Variants in FGF12 observed in about 807,000 individuals in gnomAD.
FGF12 encodes the protein fibroblast growth factor 12B.
Under a neutral mutation model 23.6 loss-of-function variants are expected in FGF12, and 14 were observed. The observed-to-expected ratio is 0.59, with a 90% CI of 0.39 to 0.93. The LOEUF is 0.93. Among genes scored for constraint, FGF12 ranks in the 40% least tolerant of loss-of-function variants. The probability of loss-of-function intolerance (pLI) is 0.00; values close to 1 mark genes in which losing one functional copy is unlikely to be tolerated. For missense variants in FGF12, 175 were observed against 217.8 expected (o/e 0.80, Z 1.24); for synonymous variants, 62 against 77.3 (o/e 0.80, Z 1.04).
In FGF12 at chr3:192,191,205, G is replaced by T. The variant is rs1472882497; in HGVS notation, c.229-20549C>A. 3.9e-5 allele frequency among the ~76,000 whole-genome samples: 6 copies of T among 152,122 alleles called. No homozygotes were observed. In the East Asian group the frequency reaches 5.8e-4, roughly 15 times the overall value. On this transcript the variant is annotated intron_variant, in intron 4 of 5. Coordinates refer to ENST00000445105, the MANE Select transcript of FGF12 (RefSeq NM_004113.6). ...TGAGGACAATAGAAAGATCAGTGGT[G>T]GCCAGGGATCCCAGGGGAAAAGTCA... is the stretch of plus-strand genomic sequence containing the variant.
In FGF12 at chr3:192,408,243, C is replaced by A; in HGVS notation, c.14-47705G>T. On this transcript the variant is annotated intron_variant, in intron 2 of 5. Coordinates refer to ENST00000445105, the MANE Select transcript of FGF12 (RefSeq NM_004113.6). This position sits in a 1 kb window ranked among gnomAD's most constrained non-coding sequence, Gnocchi z 7.3. ...AGCCATAGCTGCTCAGCGAGGGCCT[C>A]AGGCCCCAGCCTCTACTGCGCCCTC... The A allele has an allele frequency of 1.3e-6, 2 of 1,578,572 alleles. No homozygotes were observed. The highest frequency in any genetic ancestry group is 2.3e-5 in the East Asian group (1 of 44,166).
chr3:192,149,541 AC>A (rs1299386142), intron 5 of FGF12, among the ~76,000 whole-genome samples: 2 of 100,932 alleles, frequency 2.0e-5, no homozygotes, highest in Non-Finnish European at 4.1e-5. Flanking sequence ...TTCAATTCCC[AC>A]CTATGAGTGA....
chr3:192,585,079 G>A (rs1335620483), intron 2 of FGF12, among the ~76,000 whole-genome samples: 1 of 152,146 alleles, frequency 6.6e-6, no homozygotes, highest in Non-Finnish European at 1.5e-5. Context: ...AACATCAAGT[G>A]AGAAAAAGTT....
intron 2 of FGF12, among the ~76,000 whole-genome samples, chr3:192,588,748 T>C (rs1560161068): frequency 6.6e-6 from 1 of 151,914 alleles, no homozygotes; most frequent in Non-Finnish European, 1.5e-5. Flanking sequence ...TGGGAGACAG[T>C]ATTTATACCC....
chr3:192,576,828 T>C (rs1712915680), intron 2 of FGF12, among the ~76,000 whole-genome samples: 1 of 152,084 alleles, frequency 6.6e-6, no homozygotes, highest in Non-Finnish European at 1.5e-5. Context: ...AGTGATAGAC[T>C]GGACAAAGAA....
chr3:192,229,167 T>TA (rs948044556), intron 4 of FGF12, among the ~76,000 whole-genome samples: 33 of 148,468 alleles, frequency 2.2e-4, no homozygotes, highest in Admixed American at 8.7e-4. Context: ...AATAAAATTT[T>TA]AAAAAAAAAA....
chr3:192,155,930 C>T (rs1248957568), intron 5 of FGF12, among the ~76,000 whole-genome samples: 1 of 152,136 alleles, frequency 6.6e-6, no homozygotes, highest in Non-Finnish European at 1.5e-5. Flanking sequence ...GATTCCTAGT[C>T]CCTTGATTTG....
chr3:192,224,576 G>C (rs1357898358), intron 4 of FGF12, among the ~76,000 whole-genome samples: 1 of 151,314 alleles, frequency 6.6e-6, no homozygotes, highest in African/African-American at 2.4e-5. Flanking sequence ...TTTTAATTTG[G>C]GCTTTTCTTC....
At chr3:192,720,622 A>T (rs1332972811) in intron 2 of FGF12, among the ~76,000 whole-genome samples, 2 of 152,178 alleles carry the variant, frequency 1.3e-5, no homozygotes, top group East Asian at 3.8e-4. Flanking sequence ...TCTATTTTGC[A>T]TATCTATTTT....
At chr3:192,351,719 C>G (rs1351122457) in intron 3 of FGF12, among the ~76,000 whole-genome samples, 2 of 152,164 alleles carry the variant, frequency 1.3e-5, no homozygotes, top group African/African-American at 4.8e-5. Flanking sequence ...AGGGAAAACA[C>G]AAAAGCAGAT....
chr3:192,665,797 A>T (rs1426898855), intron 2 of FGF12, among the ~76,000 whole-genome samples: 1 of 149,506 alleles, frequency 6.7e-6, no homozygotes, highest in Non-Finnish European at 1.5e-5. Flanking sequence ...TTAAAAAAAG[A>T]ATATGCCTTA....
chr3:192,332,002 G>A (rs548058123), intron 4 of FGF12, among the ~76,000 whole-genome samples: 1 of 152,060 alleles, frequency 6.6e-6, no homozygotes, highest in East Asian at 1.9e-4. Flanking sequence ...AACAATTAAA[G>A]GTTTAGTTTA....
chr3:192,582,390 C>T (rs901634265), intron 2 of FGF12, among the ~76,000 whole-genome samples: 6 of 152,090 alleles, frequency 3.9e-5, no homozygotes, highest in African/African-American at 1.4e-4. Flanking sequence ...TTATCACGTT[C>T]ACTCATTGTT....
chr3:192,282,375 G>A (rs1714196488), intron 4 of FGF12, among the ~76,000 whole-genome samples: 1 of 152,166 alleles, frequency 6.6e-6, no homozygotes, highest in Non-Finnish European at 1.5e-5. Flanking sequence ...TACACAACAT[G>A]CCCCCTTATT....
intron 2 of FGF12, among the ~76,000 whole-genome samples, chr3:192,410,862 C>A (rs1721178062): frequency 6.6e-6 from 1 of 152,176 alleles, no homozygotes; most frequent in Non-Finnish European, 1.5e-5. Context: ...AGACACTGGG[C>A]AGAGGAGTTC....
intron 4 of FGF12, among the ~76,000 whole-genome samples, chr3:192,305,854 G>T (rs1243803309): frequency 9.0e-5 from 7 of 77,464 alleles, no homozygotes; most frequent in South Asian, 5.9e-4. Flanking sequence ...CATCTCTCTG[G>T]TTTTTTTTTT....
At chr3:192,249,101 T>C (rs1021473247) in intron 4 of FGF12, among the ~76,000 whole-genome samples, 4 of 152,204 alleles carry the variant, frequency 2.6e-5, no homozygotes, top group African/African-American at 9.6e-5. Context: ...ATAAGGGCTA[T>C]GTAAATGCAG....
intron 2 of FGF12, among the ~76,000 whole-genome samples, chr3:192,639,980 A>G (rs1271881026): frequency 6.6e-6 from 1 of 152,020 alleles, no homozygotes; most frequent in Non-Finnish European, 1.5e-5. Context: ...AAAGAAAAAT[A>G]TTGCCTAATC....
intron 2 of FGF12, among the ~76,000 whole-genome samples, chr3:192,606,276 A>G (rs992101921): frequency 6.6e-6 from 1 of 152,200 alleles, no homozygotes; most frequent in African/African-American, 2.4e-5. Context: ...ATGAACAGAA[A>G]ACCAAATACT....
Sources: gnomAD v4.1 joint callset for allele counts (sites outside exome capture counted in the v4.1 genomes callset) on GRCh38, gnomAD v4.1.1 for gene constraint, Gnocchi (gnomAD v3.1) non-coding constraint, MANE v1.5 for transcripts, NCBI Gene and HGNC (gene_info 2026-07-23, HGNC 2026-07-21) for gene names.